The following LRP1B variants were observed in gnomAD, a reference collection of about 807,000 sequenced individuals.
LRP1B encodes LDL receptor related protein 1B.
A neutral mutation model predicts 556.6 loss-of-function variants in LRP1B; 217 were observed. That is an observed-to-expected ratio of 0.39 (90% CI 0.35 to 0.44). The LOEUF (loss-of-function observed/expected upper bound fraction) is 0.44. LRP1B is among the 20% of genes least tolerant of loss of function. LRP1B has a pLI of 1.00. For missense variants in LRP1B, 5,053 were observed against 5,620.8 expected (o/e 0.90, Z 3.23); for synonymous variants, 2,047 against 1,865.8 (o/e 1.10, Z -2.50).
At chr2:141,728,279 G>A (rs543056496) in intron 2 of LRP1B, among the ~76,000 whole-genome samples, 52 of 152,162 alleles carry the variant, frequency 3.4e-4, no homozygotes, top group Admixed American at 2.6e-4. Flanking sequence ...AGTATGAGGC[G>A]TAGCTGACAT....
intron 46 of LRP1B, among the ~76,000 whole-genome samples, chr2:140,535,348 A>G (rs1199977193): frequency 6.6e-6 from 1 of 152,196 alleles, no homozygotes; most frequent in Non-Finnish European, 1.5e-5. Context: ...TATAGAATAT[A>G]GCCATTCATT....
At position 141,415,264 on chromosome 2, in the gene LRP1B, C is replaced by T. The variant is rs530534950; in HGVS notation, c.343+65132G>A. ...TCTTGACCTTGTGATCCGCCTGCCTCGGCCTCCCAAAGTGCTGGGATTACA... is the reference window on the plus strand; with the variant it reads ...TCTTGACCTTGTGATCCGCCTGCCTTGGCCTCCCAAAGTGCTGGGATTACA... On this transcript the variant is annotated intron_variant, in intron 3 of 90. Coordinates refer to ENST00000389484, the MANE Select transcript of LRP1B (RefSeq NM_018557.3). Among the ~76,000 whole-genome samples, 4 of 152,292 alleles carry T rather than the reference C, an allele frequency of 2.6e-5. No individual in the cohort carries two copies. In the East Asian group the frequency reaches 7.7e-4, roughly 30 times the overall value.
chr2:141,947,007 A>G (rs1700971210), intron 1 of LRP1B, among the ~76,000 whole-genome samples: 1 of 152,116 alleles, frequency 6.6e-6, no homozygotes, highest in Admixed American at 6.6e-5. Context: ...TTTTTGTCCC[A>G]AATTTGCAAA....
At chr2:141,350,471 C>A (rs1688403849) in intron 3 of LRP1B, among the ~76,000 whole-genome samples, 1 of 152,000 alleles carries the variant, frequency 6.6e-6, no homozygotes, top group African/African-American at 2.4e-5. Flanking sequence ...TTTGTTCAGA[C>A]TGGACTGAAA....
intron 87 of LRP1B, among the ~76,000 whole-genome samples, chr2:140,240,966 C>T (rs114785630): frequency 0.013 from 1,974 of 150,816 alleles, 23 homozygotes; most frequent in Non-Finnish European, 0.021. Flanking sequence ...TTGCCAAATA[C>T]CAAAAAGGCT....
intron 29 of LRP1B, among the ~76,000 whole-genome samples, chr2:140,847,776 AG>A (rs10596400): frequency 0.081 from 908 of 11,156 alleles, 9 homozygotes; most frequent in Middle Eastern, 0.18. Context: ...AAAAAAAAAA[AG>A]AAGAAAGAAA....
intron 1 of LRP1B, among the ~76,000 whole-genome samples, chr2:142,106,607 CT>C (rs1373833751): frequency 6.6e-6 from 1 of 152,026 alleles, no homozygotes. Flanking sequence ...AAAATATTTC[CT>C]TTTTTGTCAC....
At chr2:140,792,328 T>A (rs953515035) in intron 32 of LRP1B, among the ~76,000 whole-genome samples, 3 of 152,122 alleles carry the variant, frequency 2.0e-5, no homozygotes, top group African/African-American at 2.4e-5. Context: ...CCTAAGAGGG[T>A]AGAGGAAAAG....
At chr2:140,987,614 AT>A (rs1696963968) in intron 17 of LRP1B, among the ~76,000 whole-genome samples, 1 of 152,106 alleles carries the variant, frequency 6.6e-6, no homozygotes, top group African/African-American at 2.4e-5. Flanking sequence ...AATGCCTTCT[AT>A]TTTAAGGTGA....
At chr2:141,462,891 A>G (rs1318609282) in intron 3 of LRP1B, among the ~76,000 whole-genome samples, 1 of 152,192 alleles carries the variant, frequency 6.6e-6, no homozygotes, top group East Asian at 1.9e-4. Context: ...TTATATCATA[A>G]AACATGATCA....
At chr2:140,570,755 T>C (rs1681293488) in intron 43 of LRP1B, among the ~76,000 whole-genome samples, 1 of 151,754 alleles carries the variant, frequency 6.6e-6, no homozygotes, top group South Asian at 2.1e-4. Context: ...TGAATATCAG[T>C]ACAAAAATTC....
chr2:141,904,505 G>A (rs529255051), intron 1 of LRP1B, among the ~76,000 whole-genome samples: 27 of 151,976 alleles, frequency 1.8e-4, no homozygotes, highest in Non-Finnish European at 3.8e-4. Flanking sequence ...AGTGCTTTCT[G>A]GAACTGTTAG....
chr2:141,985,516 T>TTG (rs755204794), intron 1 of LRP1B, among the ~76,000 whole-genome samples: 6 of 151,510 alleles, frequency 4.0e-5, no homozygotes, highest in African/African-American at 9.7e-5. Context: ...TTTATTTTTT[T>TTG]GGGGGGGGTA....
chr2:140,313,228 TATGAGAACTAATTTACATTACTA>T (rs1475726032), intron 83 of LRP1B, among the ~76,000 whole-genome samples: 5 of 152,062 alleles, frequency 3.3e-5, no homozygotes, highest in African/African-American at 1.2e-4. Flanking sequence ...ATTGAATCCA[TATGAGAACTAATTTACATTACTA>T]ATGAGAACTA....
chr2:141,279,026 T>A (rs760021660), intron 3 of LRP1B, among the ~76,000 whole-genome samples: 4 of 152,156 alleles, frequency 2.6e-5, no homozygotes, highest in African/African-American at 9.7e-5. Flanking sequence ...AGCCAACAGA[T>A]AAATTATTCA....
At chr2:140,692,194 T>G (rs2105401359) in intron 41 of LRP1B, among the ~76,000 whole-genome samples, 1 of 152,288 alleles carries the variant, frequency 6.6e-6, no homozygotes, top group Middle Eastern at 3.4e-3. Context: ...CTATGTTATT[T>G]CAAAAACAAT....
chr2:142,079,769 C>A (rs1705646549), intron 1 of LRP1B, among the ~76,000 whole-genome samples: 1 of 152,134 alleles, frequency 6.6e-6, no homozygotes, highest in African/African-American at 2.4e-5. Context: ...CTTGGCCTCC[C>A]AAAGTGCTAG....
intron 41 of LRP1B, among the ~76,000 whole-genome samples, chr2:140,636,631 C>T (rs1004176172): frequency 4.6e-5 from 7 of 152,100 alleles, no homozygotes; most frequent in Non-Finnish European, 1.0e-4. Flanking sequence ...ATACCACATC[C>T]TCCTTCATCA....
At chr2:140,951,208 C>G (rs1018756492) in intron 19 of LRP1B, among the ~76,000 whole-genome samples, 10 of 152,128 alleles carry the variant, frequency 6.6e-5, no homozygotes, top group Admixed American at 1.3e-4. Context: ...TGAGAACCCA[C>G]TCTTTACCCC....
Sources: gnomAD v4.1 joint callset for allele counts (sites outside exome capture counted in the v4.1 genomes callset) on GRCh38, gnomAD v4.1.1 for gene constraint, MANE v1.5 for transcripts, NCBI Gene and HGNC (gene_info 2026-07-23, HGNC 2026-07-21) for gene names.